Variants in CCDC62 observed in about 807,000 individuals in gnomAD.
The protein encoded by CCDC62 is coiled-coil domain-containing protein 62.
Under a neutral mutation model 80.8 loss-of-function variants are expected in CCDC62, and 72 were observed. The ratio of observed to expected loss-of-function variants is 0.89; its 90% CI spans 0.74 to 1.08. The LOEUF (loss-of-function observed/expected upper bound fraction) is 1.08, where lower values mean the gene tolerates loss of function less well. Among genes scored for constraint, CCDC62 ranks in the 50% least tolerant of loss-of-function variants. The pLI, the probability that CCDC62 is intolerant of heterozygous loss-of-function variation, is 0.00. For missense variants in CCDC62, 704 were observed against 809.4 expected (o/e 0.87, Z 1.58); for synonymous variants, 286 against 296.5 (o/e 0.96, Z 0.36).
intron 10 of CCDC62, among the ~76,000 whole-genome samples, chr12:122,808,187 C>T (rs2031703388): frequency 1.3e-5 from 2 of 152,238 alleles, no homozygotes; most frequent in South Asian, 2.1e-4. Context: ...ATCCCAGCTA[C>T]TCAGGATGCT....
In CCDC62 at chr12:122,801,483, G is replaced by A; in HGVS notation, c.1337G>A (p.Gly446Glu). 6.2e-7 allele frequency: 1 copy of A among 1,614,078 alleles called. No homozygotes were observed. ...KCHGTGVQNE[G>E]KQPSETPTLS... ...CATGGCACTGGGGTTCAGAACGAAG[G>A]AAAACAACCCTCAGAAACACCCACT... Residue 446 changes from glycine (G) to glutamate (E), a missense_variant, in exon 9 of 13, where the codon GGA (glycine) becomes GAA (glutamate). Gly to Glu is a moderately conservative substitution (Grantham distance 98). Transcript: ENST00000253079.
intron 4 of CCDC62, among the ~76,000 whole-genome samples, chr12:122,786,321 TG>T (rs1266048990): frequency 2.0e-5 from 3 of 151,284 alleles, no homozygotes; most frequent in African/African-American, 7.3e-5. Flanking sequence ...CTAATTTTTT[TG>T]TATTTTTAGT....
In CCDC62 at chr12:122,801,233, G is replaced by T. The variant is rs2031284202; in HGVS notation, c.1087G>T (p.Val363Phe). 1.2e-6 allele frequency: 2 copies of T among 1,614,020 alleles called. No individual in the cohort carries two copies. Among genetic ancestry groups the T allele is most frequent in the East Asian group, 2.2e-5 (1 of 44,898 alleles). Residue 363 changes from valine (V) to phenylalanine (F), a missense_variant, in exon 9 of 13, where the codon GTT becomes TTT. Coordinates refer to ENST00000253079, the MANE Select transcript of CCDC62 (RefSeq NM_201435.5). ...GGACCAGAAATTTGAAGCCATGTTG[G>T]TTCAGCAAAATAGGTCAGACAAGAG... ...FKDQKFEAMLVQQNRSDKSSC... is the reference protein window; with the variant it reads ...FKDQKFEAMLFQQNRSDKSSC...
intron 12 of CCDC62, among the ~76,000 whole-genome samples, chr12:122,823,703 T>TAA (rs71811332): frequency 6.0e-5 from 8 of 133,156 alleles, no homozygotes; most frequent in Non-Finnish European, 3.3e-5. Flanking sequence ...CCTTGTCTCT[T>TAA]AAAAAAAAAA....
intron 6 of CCDC62, among the ~76,000 whole-genome samples, chr12:122,795,457 G>A (rs1042030961): frequency 1.4e-5 from 2 of 146,026 alleles, no homozygotes; most frequent in African/African-American, 5.1e-5. Flanking sequence ...ACGGAGTCTC[G>A]CTGTCGCCCA....
intron 10 of CCDC62, among the ~76,000 whole-genome samples, chr12:122,808,856 A>G (rs929928247): frequency 4.6e-5 from 7 of 152,206 alleles, no homozygotes; most frequent in African/African-American, 1.4e-4. Context: ...TACCAGTTAC[A>G]TTCCCACCAT....
At chr12:122,822,217 C>T (rs2032436053) in intron 11 of CCDC62, among the ~76,000 whole-genome samples, 1 of 151,692 alleles carries the variant, frequency 6.6e-6, no homozygotes, top group African/African-American at 2.4e-5. Flanking sequence ...GATTCTCCTG[C>T]CTTTCAGCCT....
chr12:122,786,086 C>T (rs2030202734), intron 4 of CCDC62, among the ~76,000 whole-genome samples: 1 of 152,126 alleles, frequency 6.6e-6, no homozygotes, highest in Admixed American at 6.6e-5. Context: ...TTGTTTTCTC[C>T]CCGGGTATCC....
chr12:122,804,499 C>A (rs971483230), intron 9 of CCDC62, among the ~76,000 whole-genome samples: 2 of 151,952 alleles, frequency 1.3e-5, no homozygotes, highest in African/African-American at 4.8e-5. Context: ...AAAAAAAGGT[C>A]ATTGGCCAAG....
At chr12:122,787,727 G>A (rs2030347917) in intron 4 of CCDC62, among the ~76,000 whole-genome samples, 1 of 151,706 alleles carries the variant, frequency 6.6e-6, no homozygotes, top group Middle Eastern at 3.2e-3. Flanking sequence ...CTCCAGCCTG[G>A]TGACAGAGCG....
In CCDC62 at chr12:122,801,721, C is replaced by G. The variant is rs369870434; in HGVS notation, c.1575C>G (p.Ala525=). The change falls in exon 9 of 13, where the codon GCC becomes GCG. Residue 525 remains alanine, a synonymous_variant. Coordinates refer to ENST00000253079, the MANE Select transcript of CCDC62 (RefSeq NM_201435.5). ...CCHPSNFIIE[A]PGHMSDVEWM... is the part of the protein sequence containing the mutation. ...ACCCGAGTAACTTCATAATTGAAGC[C>G]CCAGGCCACATGTCTGACGTGGAGT... 1 of 1,614,096 alleles carries G rather than the reference C, an allele frequency of 6.2e-7. No homozygotes were observed. Among genetic ancestry groups the G allele is most frequent in the Admixed American group, 1.7e-5 (1 of 60,002 alleles).
chr12:122,825,478 C>G (rs1291793267), intron 12 of CCDC62, among the ~76,000 whole-genome samples: 1 of 149,392 alleles, frequency 6.7e-6, no homozygotes, highest in East Asian at 2.0e-4. Flanking sequence ...TCCCAAGTAG[C>G]TGGGATTACA....
At position 122,801,760 on chromosome 12, in the gene CCDC62, C is replaced by T; in HGVS notation, c.1614C>T (p.Phe538=). 1.9e-6 allele frequency: 3 copies of T among 1,614,156 alleles called. No individual in the cohort carries two copies. Among genetic ancestry groups the T allele is most frequent in the Non-Finnish European group, 2.5e-6 (3 of 1,180,036 alleles). The change falls in exon 9 of 13, where the codon TTC becomes TTT. Residue 538 remains phenylalanine (F), a synonymous_variant. Coordinates refer to ENST00000253079, the MANE Select transcript of CCDC62 (RefSeq NM_201435.5). ...CTGACGTGGAGTGGATGAGTATTTT[C>T]AAGCCTTCCAAAATGCAGAGAATTG... The part of the protein sequence containing the change: ...HMSDVEWMSI[F]KPSKMQRIVR...
intron 5 of CCDC62, among the ~76,000 whole-genome samples, chr12:122,789,958 GA>G (rs2030499766): frequency 6.6e-6 from 1 of 152,032 alleles, no homozygotes; most frequent in Non-Finnish European, 1.5e-5. Context: ...GGTATTTATT[GA>G]ATGTTTATAT....
Position 122,801,279 on chromosome 12 carries a change from A to G in CCDC62, c.1133A>G (p.Glu378Gly). ...SDKSSCDECKEKKQQIDTVFG... is the reference protein window; with the variant it reads ...SDKSSCDECKGKKQQIDTVFG... ...AAGAGCTCTTGCGATGAATGCAAAG[A>G]GAAGAAACAACAGATCGATACTGTG... The change falls in exon 9 of 13, where the codon GAG becomes GGG. Residue 378 changes from glutamate to glycine, a missense_variant. Transcript: ENST00000253079. The G allele has an allele frequency of 6.2e-7, 1 of 1,614,196 alleles. No individual in the cohort carries two copies. The highest frequency in any genetic ancestry group is 8.5e-7 in the Non-Finnish European group (1 of 1,180,036).
At chr12:122,779,733 C>T (rs1160580587) in intron 2 of CCDC62, among the ~76,000 whole-genome samples, 2 of 151,810 alleles carry the variant, frequency 1.3e-5, no homozygotes, top group East Asian at 3.9e-4. Flanking sequence ...CATGGTGAAA[C>T]CCTGTCTCTA....
chr12:122,816,497 A>G (rs1232231866), intron 11 of CCDC62, among the ~76,000 whole-genome samples: 1 of 152,218 alleles, frequency 6.6e-6, no homozygotes, highest in Non-Finnish European at 1.5e-5. Flanking sequence ...AGGCCAAAGC[A>G]GATGGATCAC....
Position 122,798,166 on chromosome 12 carries a change from T to C in CCDC62, c.943T>C (p.Ser315Pro). The C allele has an allele frequency of 1.9e-6, 3 of 1,584,358 alleles. No homozygotes were observed. The highest frequency in any genetic ancestry group is 2.6e-6 in the Non-Finnish European group (3 of 1,153,472). ...NSQELIQMYD[S>P]KMEESKALDS... is the part of the protein sequence containing the mutation. ...TCAGGAATTAATACAGATGTATGACTCAAAGATGGAGGAATCAAAGGCTCT... is the reference window on the plus strand; with the variant it reads ...TCAGGAATTAATACAGATGTATGACCCAAAGATGGAGGAATCAAAGGCTCT... Residue 315 changes from serine to proline, a missense_variant, in exon 8 of 13, where the codon TCA becomes CCA. Physicochemically the swap from Ser to Pro is moderately conservative, Grantham distance 74 (BLOSUM62 -1). Coordinates refer to ENST00000253079, the MANE Select transcript of CCDC62 (RefSeq NM_201435.5).
Position 122,826,607 on chromosome 12 carries a change from T to C in CCDC62, c.*226T>C. On this transcript the variant is annotated 3_prime_UTR_variant, in exon 13 of 13. Transcript: ENST00000253079. The stretch of plus-strand genomic sequence containing the variant: ...GTTAACCATTTTTGTGCTGAAGAAA[T>C]ATTTTCATGTGTAAGAAAGTAGACC... 1 of 568,088 alleles carries C rather than the reference T, an allele frequency of 1.8e-6. No individual in the cohort carries two copies. Among genetic ancestry groups the C allele is most frequent in the Non-Finnish European group, 3.1e-6 (1 of 318,890 alleles). The allele number at this position is 568,088 out of a possible 1,614,324, so 35.2% of individuals were successfully genotyped here.
Sources: allele counts gnomAD v4.1 joint callset (sites outside exome capture counted in the v4.1 genomes callset), GRCh38; gene constraint gnomAD v4.1.1; transcripts MANE v1.5; gene names NCBI Gene and HGNC (gene_info 2026-07-23, HGNC 2026-07-21).